Variants in YEATS2 observed in about 807,000 individuals in gnomAD.
YEATS2 encodes YEATS domain containing 2, also known as YEATS domain-containing protein 2.
Under a neutral mutation model 163.2 loss-of-function variants are expected in YEATS2, and 77 were observed. The observed-to-expected ratio is 0.47, with a 90% CI of 0.39 to 0.57. The LOEUF (loss-of-function observed/expected upper bound fraction) is 0.57. YEATS2 is among the 20% of genes least tolerant of loss of function. The probability of loss-of-function intolerance (pLI) is 0.00; values close to 1 mark genes in which losing one functional copy is unlikely to be tolerated. For synonymous variants in YEATS2, 631 were observed against 645.1 expected (o/e 0.98, Z 0.33); for missense variants, 1,549 against 1,729.8 (o/e 0.90, Z 1.85).
chr3:183,720,554 T>C (rs1383637345), intron 4 of YEATS2, among the ~76,000 whole-genome samples: 2 of 152,074 alleles, frequency 1.3e-5, no homozygotes, highest in African/African-American at 4.8e-5. Context: ...GGACACCTGG[T>C]ATTGGTGCTG....
At chr3:183,705,265 G>C (rs544123617) in intron 1 of YEATS2, among the ~76,000 whole-genome samples, 1 of 152,166 alleles carries the variant, frequency 6.6e-6, no homozygotes, top group South Asian at 2.1e-4. Flanking sequence ...GCCCAGGGTG[G>C]TCTTGAACTC....
At chr3:183,807,860 C>T (rs1046893420) in intron 28 of YEATS2, 170 bp from the exon 29 acceptor site, 2 of 567,336 alleles carry the variant, frequency 3.5e-6, no homozygotes, top group Non-Finnish European at 6.4e-6. Context: ...AGATAACATT[C>T]TTCTAGATGT....
At chr3:183,800,687 C>T in intron 24 of YEATS2, 119 bp downstream of exon 24, 1 of 765,632 alleles carries the variant, frequency 1.3e-6, no homozygotes, top group Non-Finnish European at 2.2e-6. Context: ...GAGGAACTGT[C>T]TGTCCCCGTG....
chr3:183,804,744 T>C (rs897560723), intron 27 of YEATS2, among the ~76,000 whole-genome samples: 7 of 151,806 alleles, frequency 4.6e-5, no homozygotes, highest in Admixed American at 3.9e-4. Flanking sequence ...TCCCAGCACT[T>C]TGGGAGGCCG....
rs146109058 is a variant in YEATS2 at position 183,797,349 on chromosome 3, G to C, written c.3098-574G>C. Among the ~76,000 whole-genome samples, 422 of 149,734 alleles carry C rather than the reference G, an allele frequency of 2.8e-3. 5 individuals carry two copies. Among genetic ancestry groups the C allele is most frequent in the African/African-American group, 0.01 (414 of 40,638 alleles). On this transcript the variant is annotated intron_variant, in intron 21 of 30. Coordinates refer to ENST00000305135, the MANE Select transcript of YEATS2 (RefSeq NM_018023.5). Reference sequence around the variant, plus strand: ...CTCGAGGCCAGGAGTTTCAAGACCAGCCTGGGCAACAAAGCGAGACCCCCA... The same window carrying C: ...CTCGAGGCCAGGAGTTTCAAGACCACCCTGGGCAACAAAGCGAGACCCCCA...
At position 183,735,752 on chromosome 3, in the gene YEATS2, T is replaced by A. The variant is rs918717539; in HGVS notation, c.813-966T>A. On this transcript the variant is annotated intron_variant, in intron 7 of 30. Transcript: ENST00000305135. ...CTCAGGCTGGAGTGCAGTGGTGTGA[T>A]CTCAGCTCACTGCTGCCTCCGCCCC... Among the ~76,000 whole-genome samples, 5 of 152,126 alleles carry A rather than the reference T, an allele frequency of 3.3e-5. No homozygotes were observed. The East Asian group carries it at 9.7e-4, about 29-fold the overall frequency.
intron 5 of YEATS2, among the ~76,000 whole-genome samples, chr3:183,724,184 G>A (rs1472365544): frequency 6.6e-6 from 1 of 152,072 alleles, no homozygotes; most frequent in Non-Finnish European, 1.5e-5. Context: ...ATTCAAAGCA[G>A]ATGTATGTGA....
intron 15 of YEATS2, among the ~76,000 whole-genome samples, chr3:183,764,987 A>T (rs565636047): frequency 1.3e-5 from 2 of 152,244 alleles, no homozygotes; most frequent in African/African-American, 4.8e-5. Context: ...GTTTTTAATA[A>T]GTGTTTCTGC....
At position 183,811,251 on chromosome 3, in the gene YEATS2, G is replaced by A. The variant is rs1466941267; in HGVS notation, c.*668G>A. ...AAGGGACGGAGAGGTCCCAACAGGA[G>A]TCAGGAAGAGGTTTGATTATAACCA... On this transcript the variant is annotated 3_prime_UTR_variant, in exon 31 of 31. Coordinates refer to ENST00000305135, the MANE Select transcript of YEATS2 (RefSeq NM_018023.5). 6.5e-6 allele frequency: 1 copy of A among 152,710 alleles called. No homozygotes were observed. Among genetic ancestry groups the A allele is most frequent in the African/African-American group, 2.4e-5 (1 of 41,460 alleles). 9.5% of individuals were successfully genotyped at this position (152,710 alleles called of 1,614,324 possible).
chr3:183,744,381 T>C (rs930953107), intron 8 of YEATS2, among the ~76,000 whole-genome samples: 8 of 152,086 alleles, frequency 5.3e-5, no homozygotes. Context: ...CCTCCCAAAG[T>C]GCTGGGATTA....
intron 18 of YEATS2, 58 bp from the exon 19 acceptor site, chr3:183,777,484 C>G: frequency 6.4e-7 from 1 of 1,570,108 alleles, no homozygotes; most frequent in Non-Finnish European, 8.7e-7. Flanking sequence ...GGGATCAGAA[C>G]AGCCCATCTG....
chr3:183,721,951 TC>T lies in YEATS2; in HGVS notation c.353del (p.Ser118TyrfsTer44). ...NHPAIKKFLE[S>X]PSRSSSPANQ... ...TCCTGCTATCAAGAAATTTTTGGAA[TC>T]ACCATCTAGGTCATCATCTCCTGCC... is the stretch of plus-strand genomic sequence containing the variant. On this transcript the variant is annotated frameshift_variant, in exon 5 of 31. Coordinates refer to ENST00000305135, the MANE Select transcript of YEATS2 (RefSeq NM_018023.5). LOFTEE classifies it high-confidence loss of function. 6.2e-7 allele frequency: 1 copy of T among 1,614,180 alleles called. No homozygotes were observed. The highest frequency in any genetic ancestry group is 1.3e-5 in the African/African-American group (1 of 75,064).
chr3:183,777,711 C>G lies in YEATS2; in HGVS notation c.2736+11C>G. ...ACATTGTTTACACAGGTAAATACGC[C>G]CATGCACACACCCCAAATATGGGGT... On this transcript the variant is annotated intron_variant, in intron 19 of 30. Coordinates refer to ENST00000305135, the MANE Select transcript of YEATS2 (RefSeq NM_018023.5). The G allele has an allele frequency of 1.9e-6, 3 of 1,610,510 alleles. No individual in the cohort carries two copies. Among genetic ancestry groups the G allele is most frequent in the Non-Finnish European group, 2.5e-6 (3 of 1,178,244 alleles).
rs1726268187 is a variant in YEATS2 at position 183,806,914 on chromosome 3, A to G, written c.3833A>G (p.Glu1278Gly). 4 of 1,614,082 alleles carry G rather than the reference A, an allele frequency of 2.5e-6. No individual in the cohort carries two copies. Among genetic ancestry groups the G allele is most frequent in the Non-Finnish European group, 3.4e-6 (4 of 1,179,988 alleles). ...GCTGACAACCTCTGCCGCAAACTGG[A>G]GGACCTGCAACAGTTCCAGAAAAGG... Reference protein sequence around the residue: ...SSADNLCRKLEDLQQFQKREP... With the variant: ...SSADNLCRKLGDLQQFQKREP... The change falls in exon 28 of 31, where the codon GAG becomes GGG. Residue 1278 changes from glutamate to glycine, a missense_variant. Glu to Gly is a moderately conservative substitution (Grantham distance 98). Coordinates refer to ENST00000305135, the MANE Select transcript of YEATS2 (RefSeq NM_018023.5).
Position 183,776,001 on chromosome 3 carries a change from G to A in YEATS2, c.2455G>A (p.Gly819Arg), listed in dbSNP as rs1189423150. 1 of 1,609,584 alleles carries A rather than the reference G, an allele frequency of 6.2e-7. No individual in the cohort carries two copies. The highest frequency in any genetic ancestry group is 1.7e-5 in the Admixed American group (1 of 59,878). ...GGGGGGSGSGGGGSTGGGGGT... is the reference protein window; with the variant it reads ...GGGGGGSGSGRGGSTGGGGGT... ...AGGAGGAGGCGGCAGTGGCAGCGGT[G>A]GAGGCGGCAGCACAGGAGGAGGAGG... is the stretch of plus-strand genomic sequence containing the variant. Residue 819 changes from glycine (G) to arginine (R), a missense_variant, in exon 18 of 31, where the codon GGA (glycine) becomes AGA (arginine). By Grantham distance (125) the Gly-to-Arg change is moderately radical. Coordinates refer to ENST00000305135, the MANE Select transcript of YEATS2 (RefSeq NM_018023.5).
Position 183,776,388 on chromosome 3 carries a change from A to C in YEATS2, c.2577+265A>C, listed in dbSNP as rs994172868. Among the ~76,000 whole-genome samples, 8 of 151,874 alleles carry C rather than the reference A, an allele frequency of 5.3e-5. No individual in the cohort carries two copies. The East Asian group carries it at 1.6e-3, about 30-fold the overall frequency. On this transcript the variant is annotated intron_variant, in intron 18 of 30. Transcript: ENST00000305135. ...GCAAAACCCTGTCTCTACTAAAAAT[A>C]CCAAAATTAGCTGGGCGTGGTGGTG...
intron 15 of YEATS2, among the ~76,000 whole-genome samples, chr3:183,772,044 C>A (rs1322766883): frequency 1.3e-5 from 2 of 152,038 alleles, no homozygotes; most frequent in Non-Finnish European, 2.9e-5. Context: ...TTTCTTTATA[C>A]TTCTGAATTT....
chr3:183,792,281 G>A (rs1205789778), intron 21 of YEATS2, among the ~76,000 whole-genome samples: 2 of 152,038 alleles, frequency 1.3e-5, no homozygotes, highest in South Asian at 2.1e-4. Flanking sequence ...TTGTCCTAAT[G>A]CTCTCCCTTC....
At chr3:183,702,496 A>G (rs1215300641) in intron 1 of YEATS2, among the ~76,000 whole-genome samples, 1 of 151,920 alleles carries the variant, frequency 6.6e-6, no homozygotes, top group Non-Finnish European at 1.5e-5. Context: ...AACATCCCAC[A>G]TGCCTCATTC....
Sources: gnomAD v4.1 joint callset for allele counts (sites outside exome capture counted in the v4.1 genomes callset) on GRCh38, gnomAD v4.1.1 for gene constraint, MANE v1.5 for transcripts, NCBI Gene and HGNC (gene_info 2026-07-23, HGNC 2026-07-21) for gene names.